The following SRGAP1 variants were observed in gnomAD, a reference collection of about 807,000 sequenced individuals.
SRGAP1 encodes SLIT-ROBO Rho GTPase activating protein 1.
SRGAP1 carries 43 observed loss-of-function variants against 121.9 expected under a neutral mutation model. That is an observed-to-expected ratio of 0.35 (90% CI 0.28 to 0.46). SRGAP1 has a LOEUF of 0.46. Among genes scored for constraint, SRGAP1 ranks in the 20% least tolerant of loss-of-function variants. SRGAP1 has a pLI of 1.00. For missense variants in SRGAP1, 1,102 were observed against 1,350.9 expected (o/e 0.82, Z 2.89); for synonymous variants, 447 against 485.4 (o/e 0.92, Z 1.04).
rs1292624494 is a variant in SRGAP1, at chr12:64,144,161, G to C, written c.*1489G>C. The C allele has an allele frequency of 3.3e-5, 5 of 151,892 alleles. No individual in the cohort carries two copies. The highest frequency in any genetic ancestry group is 7.4e-5 in the Non-Finnish European group (5 of 67,994). The allele number at this position is 151,892 out of a possible 1,614,324, so 9.4% of individuals were successfully genotyped here. A position where few individuals can be genotyped will look rare whatever the true frequency, so the allele number is the denominator to read the frequency against. ...TGCTTTGATTTCCATTCTCCTACTA[G>C]CAGCAGCTGATATCACCTGTAGACC... On this transcript the variant is annotated 3_prime_UTR_variant, in exon 22 of 22. Coordinates refer to ENST00000355086, the MANE Select transcript of SRGAP1 (RefSeq NM_020762.4).
At chr12:63,949,229 T>TAC (rs1555243909) in intron 1 of SRGAP1, among the ~76,000 whole-genome samples, 1 of 145,380 alleles carries the variant, frequency 6.9e-6, no homozygotes, top group African/African-American at 2.5e-5. Context: ...TATATATATA[T>TAC]ACCAAATAAG....
intron 1 of SRGAP1, among the ~76,000 whole-genome samples, chr12:63,972,522 G>T (rs984177684): frequency 6.6e-6 from 1 of 152,180 alleles, no homozygotes; most frequent in Non-Finnish European, 1.5e-5. Flanking sequence ...GCAGAATTTG[G>T]TGCCTAAGTC....
intron 1 of SRGAP1, among the ~76,000 whole-genome samples, chr12:63,954,536 G>A (rs145595078): frequency 0.025 from 3,850 of 151,974 alleles, 154 homozygotes; most frequent in African/African-American, 0.086. Flanking sequence ...AAATTAGTCC[G>A]GCGTGGTGGT....
At chr12:63,848,216 G>A (rs1324826100) in intron 1 of SRGAP1, among the ~76,000 whole-genome samples, 1 of 151,834 alleles carries the variant, frequency 6.6e-6, no homozygotes, top group African/African-American at 2.4e-5. Flanking sequence ...ATGTTGGCCA[G>A]GCTGGTCTCG....
At chr12:64,069,721 G>A (rs1341394850) in intron 8 of SRGAP1, among the ~76,000 whole-genome samples, 2 of 152,062 alleles carry the variant, frequency 1.3e-5, no homozygotes, top group African/African-American at 4.8e-5. Flanking sequence ...GGAGTGCAGT[G>A]GCACAATCAC....
intron 9 of SRGAP1, among the ~76,000 whole-genome samples, chr12:64,079,574 T>C (rs1448346406): frequency 6.6e-6 from 1 of 151,826 alleles, no homozygotes. Flanking sequence ...TAGTCCTAGC[T>C]ACTTGGGAGG....
chr12:63,918,031 GA>G (rs1180192675), intron 1 of SRGAP1, among the ~76,000 whole-genome samples: 3 of 152,162 alleles, frequency 2.0e-5, no homozygotes, highest in Non-Finnish European at 1.5e-5. Flanking sequence ...GCCTTAGTCT[GA>G]GCAAACTGTA....
At chr12:64,127,035 C>G (rs897983254) in intron 19 of SRGAP1, among the ~76,000 whole-genome samples, 1 of 152,242 alleles carries the variant, frequency 6.6e-6, no homozygotes, top group East Asian at 1.9e-4. Context: ...TTACAACTGC[C>G]TGTAGCATTC....
rs900961557 is a variant in SRGAP1, at chr12:64,153,340, G to T, written c.*10668G>T. The stretch of plus-strand genomic sequence containing the variant: ...TACTTAAAATTAGCCGGGCTTGGTG[G>T]TGCACAACTGTAATCCCACCTACTC... On this transcript the variant is annotated 3_prime_UTR_variant, in exon 22 of 22. Transcript: ENST00000355086. The T allele has an allele frequency of 6.6e-6, 1 of 152,204 alleles. No individual in the cohort carries two copies. The highest frequency in any genetic ancestry group is 1.5e-5 in the Non-Finnish European group (1 of 68,054). The allele number at this position is 152,204 out of a possible 1,614,324, so 9.4% of individuals were successfully genotyped here.
intron 3 of SRGAP1, among the ~76,000 whole-genome samples, chr12:63,995,915 T>C (rs536552103): frequency 4.1e-4 from 63 of 152,116 alleles, no homozygotes; most frequent in African/African-American, 1.4e-3. Flanking sequence ...AGAAAAGCTG[T>C]AGTTTCAAAT....
At position 64,147,799 on chromosome 12, in the gene SRGAP1, CG is replaced by C; in HGVS notation, c.*5129del. 5.0e-6 allele frequency: 2 copies of C among 397,214 alleles called. No homozygotes were observed. 24.6% of individuals were successfully genotyped at this position (397,214 alleles called of 1,614,324 possible). On this transcript the variant is annotated 3_prime_UTR_variant, in exon 22 of 22. Transcript: ENST00000355086. ...AGTATACAGTCAGGTTTGTTCTTCA[CG>C]GTGTATCTTTATAATAAATAAGATA...
intron 1 of SRGAP1, among the ~76,000 whole-genome samples, chr12:63,906,038 G>A (rs2030189328): frequency 6.6e-6 from 1 of 152,096 alleles, no homozygotes; most frequent in African/African-American, 2.4e-5. Flanking sequence ...TTTATATGCA[G>A]TTAATCCCCA....
intron 1 of SRGAP1, among the ~76,000 whole-genome samples, chr12:63,920,635 T>C (rs1368601868): frequency 6.6e-6 from 1 of 152,062 alleles, no homozygotes; most frequent in Admixed American, 6.5e-5. Flanking sequence ...TAGAGATGAG[T>C]TGGATATGCA....
At chr12:63,940,281 T>C (rs777873610) in intron 1 of SRGAP1, among the ~76,000 whole-genome samples, 2 of 151,866 alleles carry the variant, frequency 1.3e-5, no homozygotes, top group Non-Finnish European at 2.9e-5. Flanking sequence ...CATTTCTTAC[T>C]ACTGAATTTC....
chr12:63,858,224 C>T (rs1352558460), intron 1 of SRGAP1, among the ~76,000 whole-genome samples: 2 of 148,972 alleles, frequency 1.3e-5, no homozygotes, highest in Admixed American at 6.8e-5. Flanking sequence ...CTGTATACAC[C>T]GTTGGATTCA....
chr12:64,017,395 G>A (rs1057434260), intron 4 of SRGAP1, among the ~76,000 whole-genome samples: 1 of 152,076 alleles, frequency 6.6e-6, no homozygotes, highest in African/African-American at 2.4e-5. Context: ...GCCAGGCGTG[G>A]TGTAATTGCA....
chr12:63,860,462 A>G (rs1464501684), intron 1 of SRGAP1, among the ~76,000 whole-genome samples: 1 of 152,112 alleles, frequency 6.6e-6, no homozygotes, highest in African/African-American at 2.4e-5. Flanking sequence ...GTTAGATTGG[A>G]ATTATCTGAC....
intron 18 of SRGAP1, among the ~76,000 whole-genome samples, chr12:64,122,152 C>T (rs1312232541): frequency 2.0e-5 from 3 of 152,186 alleles, no homozygotes; most frequent in Non-Finnish European, 4.4e-5. Context: ...TAAGATTTGA[C>T]AGCACCAGGC....
intron 1 of SRGAP1, among the ~76,000 whole-genome samples, chr12:63,865,471 C>T (rs1052537368): frequency 6.6e-6 from 1 of 151,972 alleles, no homozygotes; most frequent in Non-Finnish European, 1.5e-5. Flanking sequence ...TCAGTCCCCA[C>T]CCGCCGCTGC....
Sources: allele counts gnomAD v4.1 joint callset (sites outside exome capture counted in the v4.1 genomes callset), GRCh38; gene constraint gnomAD v4.1.1; transcripts MANE v1.5; gene names NCBI Gene and HGNC (gene_info 2026-07-23, HGNC 2026-07-21).